The following UBE2G1 variants were observed in gnomAD, a reference collection of about 807,000 sequenced individuals.
UBE2G1 encodes the protein ubiquitin conjugating enzyme E2 G1.
Under a neutral mutation model 22.7 loss-of-function variants are expected in UBE2G1, and 5 were observed. That is an observed-to-expected ratio of 0.22 (90% CI 0.12 to 0.46). The LOEUF (loss-of-function observed/expected upper bound fraction) is 0.46. UBE2G1 is among the 20% of genes least tolerant of loss of function. The pLI is 0.99. For synonymous variants in UBE2G1, 74 were observed against 67.5 expected (o/e 1.10, Z -0.47); for missense variants, 88 against 203.9 (o/e 0.43, Z 3.46).
intron 1 of UBE2G1, among the ~76,000 whole-genome samples, chr17:4,337,209 C>CGCGT (rs1969657725): frequency 6.6e-6 from 1 of 151,724 alleles, no homozygotes; most frequent in Admixed American, 6.6e-5. Flanking sequence ...GGCATCCTGG[C>CGCGT]GCGTGCCTGA....
chr17:4,311,893 G>A (rs1238155552), intron 1 of UBE2G1, among the ~76,000 whole-genome samples: 2 of 152,118 alleles, frequency 1.3e-5, no homozygotes, highest in African/African-American at 4.8e-5. Flanking sequence ...AGAGAGGGGA[G>A]GAAATGGTGA....
At chr17:4,334,360 C>T (rs530365352) in intron 1 of UBE2G1, among the ~76,000 whole-genome samples, 1 of 152,162 alleles carries the variant, frequency 6.6e-6, no homozygotes, top group African/African-American at 2.4e-5. Flanking sequence ...CTACTGTGTA[C>T]AAAAGTTTAT....
chr17:4,355,060 C>G (rs1969890717), intron 1 of UBE2G1, among the ~76,000 whole-genome samples: 1 of 151,986 alleles, frequency 6.6e-6, no homozygotes, highest in East Asian at 1.9e-4. Context: ...CCACTGCACT[C>G]TAGTCCGGAC....
At chr17:4,280,378 GCT>G (rs1297982361) in intron 5 of UBE2G1, among the ~76,000 whole-genome samples, 4 of 105,600 alleles carry the variant, frequency 3.8e-5, no homozygotes, top group Non-Finnish European at 5.2e-5. Flanking sequence ...ATGGAGTCTC[GCT>G]CTGTTGCCCA....
intron 1 of UBE2G1, among the ~76,000 whole-genome samples, chr17:4,336,611 C>G (rs1286200770): frequency 6.6e-6 from 1 of 152,066 alleles, no homozygotes; most frequent in Non-Finnish European, 1.5e-5. Flanking sequence ...ACTGCAACCT[C>G]CACCTCCCAG....
intron 1 of UBE2G1, among the ~76,000 whole-genome samples, chr17:4,318,790 C>T (rs908493525): frequency 6.6e-6 from 1 of 152,130 alleles, no homozygotes; most frequent in Non-Finnish European, 1.5e-5. Context: ...TGCAGTGAGT[C>T]GTAAGCATGC....
intron 1 of UBE2G1, among the ~76,000 whole-genome samples, chr17:4,323,518 T>C (rs1598194124): frequency 6.6e-6 from 1 of 152,226 alleles, no homozygotes; most frequent in Non-Finnish European, 1.5e-5. Context: ...CTCCAAAGTT[T>C]AGAGAAAGTC....
At chr17:4,284,752 A>G (rs958019831) in intron 4 of UBE2G1, among the ~76,000 whole-genome samples, 5 of 151,082 alleles carry the variant, frequency 3.3e-5, no homozygotes, top group African/African-American at 7.3e-5. Flanking sequence ...AAATAGCCAT[A>G]TAGCTTTGAG....
intron 2 of UBE2G1, chr17:4,301,944 G>A (rs1015436963): frequency 4.2e-6 from 2 of 477,478 alleles, no homozygotes; most frequent in Non-Finnish European, 8.3e-6. Context: ...AAGATTGGGG[G>A]TATAAAATGT....
intron 2 of UBE2G1, among the ~76,000 whole-genome samples, chr17:4,297,894 G>A (rs945378857): frequency 6.6e-6 from 1 of 152,148 alleles, no homozygotes; most frequent in Non-Finnish European, 1.5e-5. Context: ...TCAGATCAGT[G>A]AGAAATGAAA....
intron 1 of UBE2G1, among the ~76,000 whole-genome samples, chr17:4,354,232 GCTTCT>G (rs1449167013): frequency 1.3e-5 from 2 of 152,128 alleles, no homozygotes; most frequent in Non-Finnish European, 2.9e-5. Flanking sequence ...GTAGAAGCCA[GCTTCT>G]CTTGACTTTT....
chr17:4,274,591 C>T lies in UBE2G1; in HGVS notation c.*38-2075G>A, dbSNP rs139217394. 6.7e-3 allele frequency among the ~76,000 whole-genome samples: 1,022 copies of T among 152,220 alleles called. 8 individuals carry two copies. The highest frequency in any genetic ancestry group is 9.5e-3 in the Non-Finnish European group (644 of 68,020). ...CATTTAGACAACCTCCCTACAAGAT[C>T]CTGAGAGGTAGAACGACTGCTATAT... is the stretch of plus-strand genomic sequence containing the variant. On this transcript the variant is annotated intron_variant, in intron 5 of 5. Coordinates refer to ENST00000396981, the MANE Select transcript of UBE2G1 (RefSeq NM_003342.5).
chr17:4,358,777 C>T (rs1969935402), intron 1 of UBE2G1, among the ~76,000 whole-genome samples: 1 of 152,028 alleles, frequency 6.6e-6, no homozygotes, highest in Non-Finnish European at 1.5e-5. Context: ...TATAGAGAAA[C>T]CCTGTCTCTA....
chr17:4,327,821 A>AT (rs755585317), intron 1 of UBE2G1, among the ~76,000 whole-genome samples: 4 of 152,126 alleles, frequency 2.6e-5, no homozygotes, highest in Non-Finnish European at 2.9e-5. Context: ...CACCATTAAT[A>AT]ACCTATCACG....
chr17:4,361,959 CAAAAAA>C (rs35792021), intron 1 of UBE2G1, among the ~76,000 whole-genome samples: 7 of 69,080 alleles, frequency 1.0e-4, no homozygotes, highest in Non-Finnish European at 1.7e-4. Flanking sequence ...AAGACTGTCT[CAAAAAA>C]AAAAAAAAAA....
intron 2 of UBE2G1, among the ~76,000 whole-genome samples, chr17:4,300,323 A>G (rs12945770): frequency 7.4e-4 from 111 of 150,926 alleles, no homozygotes; most frequent in Admixed American, 3.8e-3. Flanking sequence ...CGGGCGGATC[A>G]CTTGAGGTCA....
At chr17:4,324,390 T>C (rs2143765674) in intron 1 of UBE2G1, among the ~76,000 whole-genome samples, 1 of 152,338 alleles carries the variant, frequency 6.6e-6, no homozygotes, top group South Asian at 2.1e-4. Context: ...TGATTCCATC[T>C]TGAAATTATA....
At chr17:4,342,777 C>G (rs1207535234) in intron 1 of UBE2G1, among the ~76,000 whole-genome samples, 1 of 152,134 alleles carries the variant, frequency 6.6e-6, no homozygotes, top group East Asian at 1.9e-4. Context: ...TAAATCAGGT[C>G]ATATCACTCC....
At chr17:4,320,785 A>G (rs1969427833) in intron 1 of UBE2G1, among the ~76,000 whole-genome samples, 1 of 152,194 alleles carries the variant, frequency 6.6e-6, no homozygotes, top group South Asian at 2.1e-4. Context: ...CTATACAGAA[A>G]TGGAATCATC....
Sources: allele counts gnomAD v4.1 joint callset (sites outside exome capture counted in the v4.1 genomes callset), GRCh38; gene constraint gnomAD v4.1.1; transcripts MANE v1.5; gene names NCBI Gene and HGNC (gene_info 2026-07-23, HGNC 2026-07-21).